Variants in CYP7B1 observed in about 807,000 individuals in gnomAD.
CYP7B1 encodes the protein cytochrome P450 family 7 subfamily B member 1.
Under a neutral mutation model 42.7 loss-of-function variants are expected in CYP7B1, and 29 were observed. That is an observed-to-expected ratio of 0.68 (90% CI 0.51 to 0.93). The LOEUF (loss-of-function observed/expected upper bound fraction) is 0.93. Among genes scored for constraint, CYP7B1 ranks in the 40% least tolerant of loss-of-function variants. The pLI is 0.00. For missense variants in CYP7B1, 655 were observed against 600.5 expected, an observed-to-expected ratio of 1.09 and a Z score of -0.95; for synonymous variants, 235 against 218.2, an observed-to-expected ratio of 1.08 and a Z score of -0.68.
chr8:64,587,548 G>A (rs1026203344), downstream of CYP7B1, among the ~76,000 whole-genome samples: 1 of 152,164 alleles, frequency 6.6e-6, no homozygotes, highest in Admixed American at 6.5e-5. Context: ...CCGCGAAAGC[G>A]CCCCGGTTTT....
chr8:64,651,096 C>A (rs1226136772), intron 1 of CYP7B1, among the ~76,000 whole-genome samples: 1 of 152,168 alleles, frequency 6.6e-6, no homozygotes, highest in Non-Finnish European at 1.5e-5. Flanking sequence ...ATCACATGAG[C>A]TTTGGAAAAA....
At chr8:64,628,109 T>C (rs1805635605) in intron 1 of CYP7B1, among the ~76,000 whole-genome samples, 1 of 152,214 alleles carries the variant, frequency 6.6e-6, no homozygotes, top group Non-Finnish European at 1.5e-5. Context: ...ACAAATACTA[T>C]GTTCCCTACT....
chr8:64,765,556 G>A (rs1375726571), intron 1 of CYP7B1, among the ~76,000 whole-genome samples: 2 of 152,126 alleles, frequency 1.3e-5, no homozygotes, highest in African/African-American at 4.8e-5. Flanking sequence ...CCAGCAGCCC[G>A]GACCCCTTTT....
chr8:64,622,398 T>G (rs1477719642), intron 2 of CYP7B1, among the ~76,000 whole-genome samples: 3 of 152,054 alleles, frequency 2.0e-5, no homozygotes, highest in African/African-American at 7.2e-5. Context: ...ATGATTTAGA[T>G]AAAGAACTAG....
intron 1 of CYP7B1, among the ~76,000 whole-genome samples, chr8:64,745,392 G>A (rs1218982289): frequency 2.6e-5 from 4 of 152,108 alleles, no homozygotes; most frequent in Non-Finnish European, 4.4e-5. Context: ...TTTTCTAATT[G>A]GGAGAGCTAA....
chr8:64,697,918 G>A (rs1411048105), intron 1 of CYP7B1, among the ~76,000 whole-genome samples: 1 of 152,172 alleles, frequency 6.6e-6, no homozygotes, highest in Non-Finnish European at 1.5e-5. Context: ...TCCTGACCAA[G>A]AGAGACAAGA....
intron 1 of CYP7B1, among the ~76,000 whole-genome samples, chr8:64,784,392 A>G (rs555269130): frequency 6.6e-6 from 1 of 152,306 alleles, no homozygotes; most frequent in African/African-American, 2.4e-5. Context: ...AACTACTGAT[A>G]TATTTTTCAG....
At chr8:64,657,416 G>A (rs575670459) in intron 1 of CYP7B1, among the ~76,000 whole-genome samples, 4 of 152,200 alleles carry the variant, frequency 2.6e-5, no homozygotes, top group East Asian at 1.9e-4. Context: ...GGAGGTGTTC[G>A]GGCTTTCTCT....
In CYP7B1 at chr8:64,798,472, C is replaced by T. The variant is rs531385629; in HGVS notation, c.116G>A (p.Arg39His). Residue 39 changes from arginine (R) to histidine (H), a missense_variant, in exon 1 of 6, where the codon CGC becomes CAC. Transcript: ENST00000310193. The part of the protein sequence containing the change: ...LLLALCLLVR[R>H]TRRPGEPPLI... ...TGGCGGCCGAGGCGCTTACCTGGTG[C>T]GCCGGACAAGCAAGCAGAGGGCCAG... is the stretch of plus-strand genomic sequence containing the variant. The T allele has an allele frequency of 1.3e-6, 2 of 1,511,834 alleles. No individual in the cohort carries two copies. Among genetic ancestry groups the T allele is most frequent in the East Asian group, 2.6e-5 (1 of 37,796 alleles). 93.7% of individuals were successfully genotyped at this position (1,511,834 alleles called of 1,614,324 possible).
intron 1 of CYP7B1, among the ~76,000 whole-genome samples, chr8:64,754,722 C>T (rs1038109712): frequency 6.6e-6 from 1 of 152,110 alleles, no homozygotes; most frequent in Non-Finnish European, 1.5e-5. Context: ...TGACAGTAGT[C>T]TGAACTTTGC....
chr8:64,615,362 G>A, intron 3 of CYP7B1, 130 bp from the exon 4 acceptor site: 1 of 911,042 alleles, frequency 1.1e-6, no homozygotes, highest in Non-Finnish European at 1.7e-6. Flanking sequence ...AGAACCAATA[G>A]GCTTCTGAAG....
intron 1 of CYP7B1, among the ~76,000 whole-genome samples, chr8:64,691,805 G>C (rs1359029976): frequency 3.9e-5 from 6 of 152,092 alleles, no homozygotes; most frequent in African/African-American, 9.7e-5. Context: ...GCCACAGTAG[G>C]GGGCAGAGCC....
At chr8:64,613,704 T>C (rs1343127394) in intron 4 of CYP7B1, among the ~76,000 whole-genome samples, 2 of 152,172 alleles carry the variant, frequency 1.3e-5, no homozygotes. Context: ...GAGATTTTTT[T>C]AAAAGAAAAT....
chr8:64,623,717 A>C (rs545092193), intron 2 of CYP7B1, among the ~76,000 whole-genome samples: 1 of 152,302 alleles, frequency 6.6e-6, no homozygotes, highest in South Asian at 2.1e-4. Context: ...GAAAGTTTTA[A>C]AATGAAAAAT....
At chr8:64,733,487 G>C (rs1168386834) in intron 1 of CYP7B1, among the ~76,000 whole-genome samples, 6 of 152,166 alleles carry the variant, frequency 3.9e-5, no homozygotes, top group African/African-American at 1.2e-4. Flanking sequence ...CAGCAGTAGT[G>C]AGCAGTATTT....
chr8:64,588,928 C>G (rs1352281867), downstream of CYP7B1, among the ~76,000 whole-genome samples: 3 of 152,230 alleles, frequency 2.0e-5, no homozygotes, highest in Non-Finnish European at 2.9e-5. Flanking sequence ...TATCAGGAAG[C>G]AGGGTCAGTT....
chr8:64,708,744 T>A (rs1329705634), intron 1 of CYP7B1, among the ~76,000 whole-genome samples: 3 of 152,226 alleles, frequency 2.0e-5, no homozygotes, highest in African/African-American at 7.2e-5. Context: ...TACACGCATT[T>A]GATTATATCC....
At chr8:64,629,779 G>A (rs1805662080) in intron 1 of CYP7B1, among the ~76,000 whole-genome samples, 1 of 152,202 alleles carries the variant, frequency 6.6e-6, no homozygotes, top group Non-Finnish European at 1.5e-5. Context: ...TTAGCACAAG[G>A]AAACTTAGAA....
chr8:64,642,616 C>A (rs1805874656), intron 1 of CYP7B1, among the ~76,000 whole-genome samples: 1 of 152,178 alleles, frequency 6.6e-6, no homozygotes, highest in African/African-American at 2.4e-5. Flanking sequence ...GGTGATGATG[C>A]ATCTGCAATG....
Sources: gnomAD v4.1 joint callset for allele counts (sites outside exome capture counted in the v4.1 genomes callset) on GRCh38, gnomAD v4.1.1 for gene constraint, MANE v1.5 for transcripts, NCBI Gene and HGNC (gene_info 2026-07-23, HGNC 2026-07-21) for gene names.